The following ROBO1 variants were observed in gnomAD, a reference collection of about 807,000 sequenced individuals.
The protein encoded by ROBO1 is roundabout homolog 1.
ROBO1 carries 149 observed loss-of-function variants against 195.9 expected under a neutral mutation model. The observed-to-expected ratio is 0.76, with a 90% confidence interval of 0.67 to 0.87. The LOEUF is 0.87. Ranked by LOEUF, ROBO1 falls within the 40% of genes least tolerant of loss-of-function variation. ROBO1 has a pLI of 0.00. For missense variants in ROBO1, 1,933 were observed against 2,068.3 expected (o/e 0.93, Z 1.27); for synonymous variants, 816 against 733.2 (o/e 1.11, Z -1.82).
intron 4 of ROBO1, among the ~76,000 whole-genome samples, chr3:78,867,872 T>C (rs139443246): frequency 4.1e-3 from 618 of 152,236 alleles, no homozygotes; most frequent in Non-Finnish European, 6.2e-3. Context: ...GAAAATCTCA[T>C]ACTGTGGGGC....
intron 2 of ROBO1, among the ~76,000 whole-genome samples, chr3:79,422,070 T>A (rs2038245911): frequency 6.7e-6 from 1 of 148,396 alleles, no homozygotes; most frequent in Non-Finnish European, 1.5e-5. Context: ...TATATAAAAA[T>A]ATATATTTTA....
chr3:78,666,004 A>G (rs1176247919), intron 14 of ROBO1, among the ~76,000 whole-genome samples: 1 of 151,936 alleles, frequency 6.6e-6, no homozygotes, highest in Non-Finnish European at 1.5e-5. Context: ...GTAGGAGGTA[A>G]CTGAATCATG....
rs555933915 is a variant in ROBO1, at chr3:79,589,726, T to C, written c.88+98A>G. 39 of 971,412 alleles carry C rather than the reference T, an allele frequency of 4.0e-5. No individual in the cohort carries two copies. The African/African-American group carries it at 6.1e-4, about 15-fold the overall frequency. The allele number at this position is 971,412 out of a possible 1,614,324, so 60.2% of individuals were successfully genotyped here. On this transcript the variant is annotated intron_variant, in intron 2 of 30. Transcript: ENST00000464233. ...ACAGACTTACAAGTTCCAAAGAAAA[T>C]GAACAAACTTGATTTGCAACACACA...
chr3:79,464,483 G>A (rs369232816), intron 2 of ROBO1, among the ~76,000 whole-genome samples: 4 of 152,028 alleles, frequency 2.6e-5, no homozygotes, highest in African/African-American at 7.2e-5. Context: ...GAGATATCTC[G>A]TTTGGGTTTG....
At chr3:79,506,407 G>T (rs1478731488) in intron 2 of ROBO1, among the ~76,000 whole-genome samples, 1 of 152,106 alleles carries the variant, frequency 6.6e-6, no homozygotes, top group East Asian at 1.9e-4. Context: ...TTACTCATCA[G>T]ATGCCAACAG....
chr3:79,710,384 G>C (rs1190438721), intron 1 of ROBO1, among the ~76,000 whole-genome samples: 1 of 91,916 alleles, frequency 1.1e-5, no homozygotes, highest in Non-Finnish European at 2.2e-5. Context: ...TGTCACACAC[G>C]AATATTATTA....
chr3:78,738,315 G>C (rs1007996710), intron 5 of ROBO1, among the ~76,000 whole-genome samples: 1 of 152,068 alleles, frequency 6.6e-6, no homozygotes, highest in East Asian at 1.9e-4. Context: ...AAAGGACTAG[G>C]AAAAGACCTG....
chr3:79,036,493 G>A (rs555264602), intron 3 of ROBO1, among the ~76,000 whole-genome samples: 2 of 152,114 alleles, frequency 1.3e-5, no homozygotes, highest in East Asian at 3.9e-4. Flanking sequence ...CATATCCAAA[G>A]AAATACTTGC....
intron 3 of ROBO1, among the ~76,000 whole-genome samples, chr3:78,974,388 A>G (rs2076840049): frequency 6.6e-6 from 1 of 152,200 alleles, no homozygotes; most frequent in African/African-American, 2.4e-5. Context: ...TTTCAATTGA[A>G]AACCGAATCA....
chr3:79,762,564 A>T (rs1704761017), intron 1 of ROBO1, among the ~76,000 whole-genome samples: 1 of 150,698 alleles, frequency 6.6e-6, no homozygotes, highest in Non-Finnish European at 1.5e-5. Context: ...AAACATCGCT[A>T]AAAAAATAAG....
chr3:78,929,835 G>A (rs1480394328), intron 4 of ROBO1, among the ~76,000 whole-genome samples: 1 of 151,976 alleles, frequency 6.6e-6, no homozygotes, highest in Non-Finnish European at 1.5e-5. Flanking sequence ...GTTAGGAAGA[G>A]CTGAATCCTC....
intron 2 of ROBO1, among the ~76,000 whole-genome samples, chr3:79,491,928 G>T (rs1939478451): frequency 6.6e-6 from 1 of 151,964 alleles, no homozygotes; most frequent in South Asian, 2.1e-4. Flanking sequence ...TTGTTATAAG[G>T]CATTTGACAA....
chr3:78,841,340 C>T (rs753283159), intron 4 of ROBO1, among the ~76,000 whole-genome samples: 2 of 152,136 alleles, frequency 1.3e-5, no homozygotes, highest in African/African-American at 2.4e-5. Flanking sequence ...CAGCTTCTTA[C>T]TGCTGGACCA....
At chr3:79,328,715 C>T (rs2109160258) in intron 2 of ROBO1, among the ~76,000 whole-genome samples, 1 of 152,084 alleles carries the variant, frequency 6.6e-6, no homozygotes, top group East Asian at 1.9e-4. Flanking sequence ...GATTTTGATG[C>T]ACCCACCACA....
At chr3:78,884,573 GAA>G (rs1229761778) in intron 4 of ROBO1, among the ~76,000 whole-genome samples, 138 of 149,448 alleles carry the variant, frequency 9.2e-4, no homozygotes, top group African/African-American at 3.3e-3. Flanking sequence ...AAGAGAGAAA[GAA>G]AGAGAGAAAG....
At chr3:79,328,267 A>G (rs1278805807) in intron 2 of ROBO1, among the ~76,000 whole-genome samples, 1 of 152,194 alleles carries the variant, frequency 6.6e-6, no homozygotes, top group Admixed American at 6.5e-5. Flanking sequence ...TAACGCACAT[A>G]AACTCCCTCT....
chr3:79,135,512 T>C (rs1317976220), intron 2 of ROBO1, among the ~76,000 whole-genome samples: 3 of 152,182 alleles, frequency 2.0e-5, no homozygotes, highest in Non-Finnish European at 4.4e-5. Context: ...GTTTTTAGGA[T>C]ACACACGTGG....
intron 1 of ROBO1, among the ~76,000 whole-genome samples, chr3:79,624,644 G>C (rs1945112840): frequency 6.6e-6 from 1 of 151,988 alleles, no homozygotes; most frequent in Non-Finnish European, 1.5e-5. Context: ...AACAAGAAGA[G>C]CGAACTATTA....
chr3:79,597,918 A>G (rs933471146), intron 1 of ROBO1, among the ~76,000 whole-genome samples: 2 of 152,068 alleles, frequency 1.3e-5, no homozygotes, highest in Non-Finnish European at 2.9e-5. Context: ...CATTTCTTGA[A>G]GATTCCTTAC....
Sources: gnomAD v4.1 joint callset for allele counts (sites outside exome capture counted in the v4.1 genomes callset) on GRCh38, gnomAD v4.1.1 for gene constraint, MANE v1.5 for transcripts, NCBI Gene and HGNC (gene_info 2026-07-23, HGNC 2026-07-21) for gene names.